ERICH1: variants seen among roughly 807,000 people sequenced by gnomAD.
The protein encoded by ERICH1 is glutamate rich 1.
A neutral mutation model predicts 39.6 loss-of-function variants in ERICH1; 56 were observed. The ratio of observed to expected loss-of-function variants is 1.41; its 90% CI spans 1.14 to 1.77. The LOEUF (loss-of-function observed/expected upper bound fraction) is 1.77. Among genes scored for constraint, ERICH1 ranks in the 40% most tolerant of loss-of-function variants. ERICH1 has a pLI of 0.00. For missense variants in ERICH1, 826 were observed against 575.4 expected (o/e 1.44, Z -4.45); for synonymous variants, 313 against 223.6 (o/e 1.40, Z -3.57).
Position 692,476 on chromosome 8 carries a change from A to G in ERICH1, c.304+2T>C. On this transcript the variant is annotated splice_donor_variant, in intron 3 of 5. Coordinates refer to ENST00000262109, the MANE Select transcript of ERICH1 (RefSeq NM_207332.3). LOFTEE classifies it high-confidence loss of function. The stretch of plus-strand genomic sequence containing the variant: ...TACCTTTCCTCCCACCCAGCATTTT[A>G]CCTTCTGTGTCATCCCCGCTGGAGG... 6.2e-7 allele frequency: 1 copy of G among 1,614,028 alleles called. No homozygotes were observed. Among genetic ancestry groups the G allele is most frequent in the Non-Finnish European group, 8.5e-7 (1 of 1,179,982 alleles).
chr8:704,557 A>C (rs1273118553), intron 2 of ERICH1, among the ~76,000 whole-genome samples: 1 of 152,238 alleles, frequency 6.6e-6, no homozygotes, highest in Non-Finnish European at 1.5e-5. Context: ...ATCGTGTGTT[A>C]TGTGACTCAG....
At chr8:622,088 C>T (rs1797317521) in intron 3 of ERICH1, among the ~76,000 whole-genome samples, 1 of 152,114 alleles carries the variant, frequency 6.6e-6, no homozygotes, top group Non-Finnish European at 1.5e-5. Flanking sequence ...AGCGTGGTGG[C>T]ATGTGCACCT....
chr8:616,697 G>A (rs1796919313), intron 3 of ERICH1: 1 of 442,258 alleles, frequency 2.3e-6, no homozygotes, highest in South Asian at 1.6e-5. Context: ...GACAGAGAGG[G>A]ACAGGGAGAG....
At chr8:687,895 G>C (rs972783781) in intron 3 of ERICH1, among the ~76,000 whole-genome samples, 1 of 152,126 alleles carries the variant, frequency 6.6e-6, no homozygotes, top group African/African-American at 2.4e-5. Context: ...GGCCTCCGAG[G>C]CTTCCAGCCG....
intron 3 of ERICH1, among the ~76,000 whole-genome samples, chr8:650,092 C>G (rs1466516178): frequency 6.6e-6 from 1 of 152,224 alleles, no homozygotes; most frequent in African/African-American, 2.4e-5. Flanking sequence ...AGAACAAGGC[C>G]GGAAGGTTGC....
At chr8:712,930 C>A (rs1036667502) in intron 2 of ERICH1, among the ~76,000 whole-genome samples, 1 of 152,216 alleles carries the variant, frequency 6.6e-6, no homozygotes, top group Non-Finnish European at 1.5e-5. Context: ...ATGGACAGTG[C>A]ATTAGCTTTC....
intron 3 of ERICH1, among the ~76,000 whole-genome samples, chr8:619,625 T>C (rs1797153906): frequency 6.6e-6 from 1 of 152,168 alleles, no homozygotes; most frequent in Admixed American, 6.5e-5. Context: ...ATATACTTGC[T>C]CTCCTTTCTT....
chr8:668,853 T>A, intron 4 of ERICH1, 61 bp from the exon 5 acceptor site: 1 of 1,465,728 alleles, frequency 6.8e-7, no homozygotes, highest in Non-Finnish European at 9.1e-7. Context: ...AAACTAAAGA[T>A]AAGCTTTCCT....
At chr8:632,945 C>T (rs55671727) in intron 3 of ERICH1, among the ~76,000 whole-genome samples, 5,819 of 152,314 alleles carry the variant, frequency 0.038, 148 homozygotes, top group Non-Finnish European at 0.058. Context: ...AGCAAAGAGC[C>T]GTTTAGGCAA....
At chr8:672,490 A>C (rs1182568243) in intron 4 of ERICH1, among the ~76,000 whole-genome samples, 3 of 152,220 alleles carry the variant, frequency 2.0e-5, no homozygotes, top group Admixed American at 2.0e-4. Context: ...TAAGAACACC[A>C]TCAAATGCCT....
chr8:707,082 A>C (rs1813445328), intron 2 of ERICH1, among the ~76,000 whole-genome samples: 1 of 152,244 alleles, frequency 6.6e-6, no homozygotes, highest in African/African-American at 2.4e-5. Context: ...AAAACTTAGT[A>C]CACAGCTACA....
intron 4 of ERICH1, chr8:668,994 G>C (rs1802742346): frequency 1.7e-6 from 1 of 587,370 alleles, no homozygotes. Flanking sequence ...GTGGAAACCT[G>C]GCCCGTCTAC....
At chr8:713,650 G>C (rs926173430) in intron 2 of ERICH1, among the ~76,000 whole-genome samples, 1 of 152,200 alleles carries the variant, frequency 6.6e-6, no homozygotes, top group Non-Finnish European at 1.5e-5. Flanking sequence ...TATTACGTCT[G>C]TGGGAAGATG....
At chr8:628,192 T>A (rs980142280) in intron 3 of ERICH1, among the ~76,000 whole-genome samples, 1 of 152,180 alleles carries the variant, frequency 6.6e-6, no homozygotes, top group Non-Finnish European at 1.5e-5. Context: ...GTGTGGAAAT[T>A]ACGAAACTAC....
At chr8:659,890 AG>A (rs1585090119), downstream of ERICH1, among the ~76,000 whole-genome samples, 1 of 150,762 alleles carries the variant, frequency 6.6e-6, no homozygotes, top group Admixed American at 6.6e-5. Flanking sequence ...TATCCTGGGG[AG>A]GGGGTGACCA....
chr8:638,389 T>C (rs1584990431), intron 3 of ERICH1, among the ~76,000 whole-genome samples: 2 of 152,266 alleles, frequency 1.3e-5, no homozygotes, highest in African/African-American at 4.8e-5. Flanking sequence ...GGAGGCCTGC[T>C]TGAGATACAG....
At chr8:689,609 G>A (rs1808439724) in intron 3 of ERICH1, among the ~76,000 whole-genome samples, 1 of 152,202 alleles carries the variant, frequency 6.6e-6, no homozygotes, top group South Asian at 2.1e-4. Flanking sequence ...GGAAAACCCA[G>A]GGAAGAGGCA....
intron 3 of ERICH1, among the ~76,000 whole-genome samples, chr8:643,912 A>G (rs2117255878): frequency 6.6e-6 from 1 of 152,346 alleles, no homozygotes; most frequent in African/African-American, 2.4e-5. Context: ...CAGCGCCTGG[A>G]GAAACACCCG....
At chr8:640,835 C>T (rs1376737565) in intron 3 of ERICH1, 1 of 152,202 alleles carries the variant, frequency 6.6e-6, no homozygotes, top group Non-Finnish European at 1.5e-5. Context: ...CCAATAAAAG[C>T]TGGAAACACC....
Sources: allele counts gnomAD v4.1 joint callset (sites outside exome capture counted in the v4.1 genomes callset), GRCh38; gene constraint gnomAD v4.1.1; transcripts MANE v1.5; gene names NCBI Gene and HGNC (gene_info 2026-07-23, HGNC 2026-07-21).